IQCB1: variants seen among roughly 807,000 people sequenced by gnomAD.
IQCB1 encodes IQ motif containing B1.
IQCB1 carries 56 observed loss-of-function variants against 84.4 expected under a neutral mutation model. The observed-to-expected ratio is 0.66, with a 90% CI of 0.54 to 0.83. The LOEUF is 0.83. Ranked by LOEUF, IQCB1 falls within the 40% of genes least tolerant of loss-of-function variation. The probability of loss-of-function intolerance (pLI) is 0.00; values close to 1 mark genes in which losing one functional copy is unlikely to be tolerated. For synonymous variants in IQCB1, 210 were observed against 234.8 expected (o/e 0.89, Z 0.96); for missense variants, 629 against 682.1 (o/e 0.92, Z 0.87).
intron 5 of IQCB1, among the ~76,000 whole-genome samples, chr3:121,824,707 G>A (rs1950400223): frequency 6.6e-6 from 1 of 151,198 alleles, no homozygotes; most frequent in Non-Finnish European, 1.5e-5. Context: ...TAATCACAGA[G>A]CTTTGTAATA....
At chr3:121,806,660 C>T (rs1268836949) in intron 7 of IQCB1, among the ~76,000 whole-genome samples, 1 of 151,994 alleles carries the variant, frequency 6.6e-6, no homozygotes, top group Non-Finnish European at 1.5e-5. Flanking sequence ...GAAGCACCTC[C>T]CCTCGGTTTG....
chr3:121,788,204 A>T, intron 12 of IQCB1, 80 bp downstream of exon 12: 1 of 1,371,618 alleles, frequency 7.3e-7, no homozygotes, highest in South Asian at 1.2e-5. Flanking sequence ...AAGGCTTTAC[A>T]ACAGGTAATT....
intron 13 of IQCB1, among the ~76,000 whole-genome samples, chr3:121,775,040 T>A (rs753815499): frequency 4.6e-5 from 7 of 152,176 alleles, no homozygotes; most frequent in Non-Finnish European, 7.3e-5. Flanking sequence ...ATTAAATTTG[T>A]AAATGATTAA....
Position 121,788,411 on chromosome 3 carries a change from C to T in IQCB1, c.1151G>A (p.Arg384Gln), listed in dbSNP as rs773223673. 50 of 1,613,714 alleles carry T rather than the reference C, an allele frequency of 3.1e-5. No individual in the cohort carries two copies. The highest frequency in any genetic ancestry group is 1.7e-4 in the Middle Eastern group (1 of 6,058). ...CAGTGCTGATTTCTCTTCCATTTCC[C>T]GATAGTGTTTCTCCACCTGACCTAA... is the stretch of plus-strand genomic sequence containing the variant. ...VHPGQVEKHY[R>Q]EMEEKSALII... is the part of the protein sequence containing the mutation. Residue 384 changes from arginine to glutamine, a missense_variant, in exon 12 of 15, where the codon CGG (arginine) becomes CAG (glutamine). Arg to Gln is a conservative substitution (Grantham distance 43). Transcript: ENST00000310864.
chr3:121,803,986 T>G (rs979512212), intron 7 of IQCB1, among the ~76,000 whole-genome samples: 4 of 152,050 alleles, frequency 2.6e-5, no homozygotes, highest in African/African-American at 7.2e-5. Context: ...TCTCCTTTGT[T>G]CTTCTTTTTT....
At chr3:121,792,936 C>T (rs922099891) in intron 10 of IQCB1, among the ~76,000 whole-genome samples, 7 of 152,156 alleles carry the variant, frequency 4.6e-5, no homozygotes, top group Admixed American at 4.6e-4. Context: ...GGCATCTGTA[C>T]TACACTTCTG....
At chr3:121,807,173 C>CG (rs1177601305) in intron 7 of IQCB1, among the ~76,000 whole-genome samples, 171 bp downstream of exon 7, 3 of 151,712 alleles carry the variant, frequency 2.0e-5, no homozygotes, top group Non-Finnish European at 2.9e-5. Flanking sequence ...GCATTATATA[C>CG]AAGTATATAG....
chr3:121,774,103 GA>G (rs904866839), intron 13 of IQCB1, among the ~76,000 whole-genome samples: 45 of 150,096 alleles, frequency 3.0e-4, no homozygotes, highest in South Asian at 1.5e-3. Context: ...TAACCCTGTG[GA>G]AAAAAAAATA....
intron 5 of IQCB1, among the ~76,000 whole-genome samples, chr3:121,814,169 G>C (rs1324019728): frequency 2.0e-5 from 3 of 152,120 alleles, no homozygotes; most frequent in African/African-American, 4.8e-5. Context: ...TCCTGAATGA[G>C]TACTGGGTAA....
At chr3:121,823,951 T>C (rs1176632442) in intron 5 of IQCB1, among the ~76,000 whole-genome samples, 2 of 152,136 alleles carry the variant, frequency 1.3e-5, no homozygotes, top group East Asian at 3.9e-4. Context: ...AACAAATTTC[T>C]TAAAAATAGC....
At chr3:121,826,902 C>T (rs2108639463) in intron 4 of IQCB1, among the ~76,000 whole-genome samples, 1 of 152,196 alleles carries the variant, frequency 6.6e-6, no homozygotes, top group South Asian at 2.1e-4. Flanking sequence ...TATGTGTGTA[C>T]TCTAATGAAC....
chr3:121,778,511 G>A (rs936283391), intron 13 of IQCB1, among the ~76,000 whole-genome samples: 17 of 149,394 alleles, frequency 1.1e-4, no homozygotes, highest in African/African-American at 4.2e-4. Context: ...AAGTCTTTCA[G>A]CTTTTGTATG....
intron 2 of IQCB1, among the ~76,000 whole-genome samples, chr3:121,830,044 TAAG>T (rs1238598355): frequency 1.3e-5 from 2 of 151,922 alleles, no homozygotes; most frequent in Admixed American, 6.6e-5. Flanking sequence ...CCATTTCTAC[TAAG>T]AATACAAAAA....
chr3:121,798,212 C>T (rs1299430325), intron 8 of IQCB1, among the ~76,000 whole-genome samples: 2 of 151,898 alleles, frequency 1.3e-5, no homozygotes, highest in African/African-American at 4.8e-5. Flanking sequence ...ACAATACCCT[C>T]AGTAATGACT....
At chr3:121,780,893 A>AGAGAGG (rs1313804831) in intron 13 of IQCB1, among the ~76,000 whole-genome samples, 1 of 151,684 alleles carries the variant, frequency 6.6e-6, no homozygotes, top group East Asian at 1.9e-4. Context: ...TGAGAGAGAG[A>AGAGAGG]GAGAGAATGA....
In IQCB1 at chr3:121,816,195, G is replaced by T. The variant is rs188438337; in HGVS notation, c.394-7186C>A. On this transcript the variant is annotated intron_variant, in intron 5 of 14. Coordinates refer to ENST00000310864, the MANE Select transcript of IQCB1 (RefSeq NM_001023570.4). ...AAGGATTCCCTATTTAATAAATGGT[G>T]CTGGGAAAACTGGCTAGCCATACGC... Among the ~76,000 whole-genome samples the T allele has an allele frequency of 5.3e-4, 81 of 152,238 alleles. No individual in the cohort carries two copies. In the East Asian group the frequency reaches 8.7e-3, roughly 16 times the overall value.
intron 7 of IQCB1, among the ~76,000 whole-genome samples, chr3:121,805,852 T>C (rs1576585428): frequency 6.6e-6 from 1 of 152,134 alleles, no homozygotes; most frequent in Non-Finnish European, 1.5e-5. Flanking sequence ...TCTCTACATG[T>C]ATAGCTCTCT....
At chr3:121,831,127 C>T (rs950116234) in intron 2 of IQCB1, among the ~76,000 whole-genome samples, 2 of 151,910 alleles carry the variant, frequency 1.3e-5, no homozygotes, top group African/African-American at 4.8e-5. Flanking sequence ...CATGGAAGCT[C>T]TGTGCCCCTT....
rs201220723 is a variant in IQCB1, at chr3:121,788,702, TA to T, written c.1130-271del. ...GCTGAAAATCCAATACAAAGAACAC[TA>T]AAAAAAAAAAAAAAAATTCCTAAGT... On this transcript the variant is annotated intron_variant, in intron 11 of 14. Coordinates refer to ENST00000310864, the MANE Select transcript of IQCB1 (RefSeq NM_001023570.4). Among the ~76,000 whole-genome samples, 1,829 of 124,208 alleles carry T rather than the reference TA, an allele frequency of 0.015. 5 individuals are homozygous for T. The highest frequency in any genetic ancestry group is 0.019 in the Non-Finnish European group (1,064 of 57,244). The allele number at this position is 124,208 out of a possible 152,430, so 81.5% of individuals were successfully genotyped here. A position where few individuals can be genotyped will look rare whatever the true frequency, so the allele number is the denominator to read the frequency against.
Sources: allele counts gnomAD v4.1 joint callset (sites outside exome capture counted in the v4.1 genomes callset), GRCh38; gene constraint gnomAD v4.1.1; transcripts MANE v1.5; gene names NCBI Gene and HGNC (gene_info 2026-07-23, HGNC 2026-07-21).